Variants in ZNRF1 observed in about 807,000 individuals in gnomAD.
ZNRF1 encodes zinc and ring finger 1.
Under a neutral mutation model 18.4 loss-of-function variants are expected in ZNRF1, and 3 were observed. The observed-to-expected ratio is 0.16, with a 90% CI of 0.07 to 0.42. ZNRF1 has a LOEUF of 0.42. ZNRF1 is among the 10% of genes least tolerant of loss of function. The probability of loss-of-function intolerance (pLI) is 0.99; values close to 1 mark genes in which losing one functional copy is unlikely to be tolerated. For missense variants in ZNRF1, 310 were observed against 329.8 expected (o/e 0.94, Z 0.47); for synonymous variants, 157 against 144.2 (o/e 1.09, Z -0.64).
At chr16:75,106,276 C>T (rs2036315025) in intron 3 of ZNRF1, 2 of 578,690 alleles carry the variant, frequency 3.5e-6, no homozygotes, top group Non-Finnish European at 6.2e-6. Context: ...CTGCTGCCTC[C>T]ACCTGGGCCA....
chr16:75,088,507 G>T (rs911937561), intron 1 of ZNRF1, among the ~76,000 whole-genome samples: 2 of 152,214 alleles, frequency 1.3e-5, no homozygotes, highest in African/African-American at 2.4e-5. Flanking sequence ...CACTTAAGGA[G>T]AAATTGCTGG....
At chr16:75,054,651 A>C (rs1291167286) in intron 1 of ZNRF1, among the ~76,000 whole-genome samples, 1 of 152,234 alleles carries the variant, frequency 6.6e-6, no homozygotes, top group African/African-American at 2.4e-5. Context: ...TAATTTAGCA[A>C]TCAGGTAATA....
chr16:75,100,848 C>T (rs933596502), intron 2 of ZNRF1, among the ~76,000 whole-genome samples: 7 of 152,198 alleles, frequency 4.6e-5, no homozygotes, highest in African/African-American at 1.7e-4. Context: ...GACGACTCTG[C>T]CCTCACTAAG....
At chr16:75,096,047 T>G (rs1375618530) in intron 2 of ZNRF1, among the ~76,000 whole-genome samples, 1 of 148,752 alleles carries the variant, frequency 6.7e-6, no homozygotes, top group African/African-American at 2.5e-5. Context: ...TGCATGTGTT[T>G]CTGTATGTGT....
At chr16:75,079,201 G>T (rs2035980313) in intron 1 of ZNRF1, among the ~76,000 whole-genome samples, 1 of 152,186 alleles carries the variant, frequency 6.6e-6, no homozygotes, top group African/African-American at 2.4e-5. Flanking sequence ...GCTTTTGGGG[G>T]CCGGGCGCGG....
At chr16:75,097,247 C>G (rs974298755) in intron 2 of ZNRF1, among the ~76,000 whole-genome samples, 3 of 152,150 alleles carry the variant, frequency 2.0e-5, no homozygotes, top group Admixed American at 6.5e-5. Context: ...AGGTGGGGGT[C>G]TGATTGGTGA....
At chr16:75,089,363 C>A (rs1279358886) in intron 1 of ZNRF1, among the ~76,000 whole-genome samples, 3 of 152,188 alleles carry the variant, frequency 2.0e-5, no homozygotes, top group Non-Finnish European at 2.9e-5. Context: ...CCCACCATGG[C>A]CTCCCACAAT....
chr16:75,079,316 C>G (rs1242658753), intron 1 of ZNRF1, among the ~76,000 whole-genome samples: 1 of 152,108 alleles, frequency 6.6e-6, no homozygotes, highest in African/African-American at 2.4e-5. Context: ...CCCGTCTCTA[C>G]TAAAAATACA....
intron 1 of ZNRF1, among the ~76,000 whole-genome samples, chr16:75,078,297 T>C (rs1431692508): frequency 1.2e-4 from 11 of 91,628 alleles, no homozygotes; most frequent in Non-Finnish European, 1.6e-4. Flanking sequence ...CTTTCTTTCC[T>C]TTTTTTTTTT....
At chr16:75,060,534 A>G (rs2035729525) in intron 1 of ZNRF1, among the ~76,000 whole-genome samples, 1 of 126,714 alleles carries the variant, frequency 7.9e-6, no homozygotes, top group African/African-American at 3.1e-5. Flanking sequence ...CTTGGAGTGC[A>G]GTGGTGTGAT....
At position 75,109,001 on chromosome 16, in the gene ZNRF1, A is replaced by G. The variant is rs1027990257; in HGVS notation, c.*1301A>G. 1.3e-5 allele frequency: 2 copies of G among 156,360 alleles called. No homozygotes were observed. Among genetic ancestry groups the G allele is most frequent in the African/African-American group, 4.8e-5 (2 of 41,636 alleles). 9.7% of individuals were successfully genotyped at this position (156,360 alleles called of 1,614,324 possible). A position where few individuals can be genotyped will look rare whatever the true frequency, so the allele number is the denominator to read the frequency against. On this transcript the variant is annotated 3_prime_UTR_variant, in exon 5 of 5. Transcript: ENST00000335325. The stretch of plus-strand genomic sequence containing the variant: ...CTGCAGGGGCCAAGATGTTGCAGCC[A>G]CCGGAGGCTGCAAGGATGTGGGTTC...
chr16:75,093,728 T>G (rs572434635), intron 2 of ZNRF1, 61 bp downstream of exon 2: 1 of 1,375,848 alleles, frequency 7.3e-7, no homozygotes, highest in African/African-American at 1.4e-5. Flanking sequence ...CGGCCAGTCC[T>G]TGTGGGAGCC....
intron 1 of ZNRF1, among the ~76,000 whole-genome samples, chr16:75,042,443 C>CT (rs56212046): frequency 0.29 from 34,127 of 116,518 alleles, 4,598 homozygotes; most frequent in East Asian, 0.51. Flanking sequence ...CTGTTTCTTT[C>CT]TTTTTTTTTT....
intron 1 of ZNRF1, among the ~76,000 whole-genome samples, chr16:75,004,476 G>A (rs918408826): frequency 3.9e-5 from 6 of 152,096 alleles, no homozygotes; most frequent in African/African-American, 1.4e-4. Context: ...CTATAAAAGG[G>A]CTGGCCATTG....
chr16:75,029,132 T>C (rs1360110275), intron 1 of ZNRF1, among the ~76,000 whole-genome samples: 1 of 150,890 alleles, frequency 6.6e-6, no homozygotes, highest in African/African-American at 2.4e-5. Flanking sequence ...TTTTTTATTA[T>C]TTTATTTTAT....
intron 1 of ZNRF1, chr16:75,084,581 G>C (rs1053048361): frequency 6.6e-6 from 1 of 152,190 alleles, no homozygotes; most frequent in Non-Finnish European, 1.5e-5. Flanking sequence ...AAGGAATGCA[G>C]CTCAAGCATC....
chr16:75,070,585 C>T (rs1456707438), intron 1 of ZNRF1, among the ~76,000 whole-genome samples: 1 of 152,124 alleles, frequency 6.6e-6, no homozygotes, highest in Non-Finnish European at 1.5e-5. Context: ...GCTTATATTA[C>T]ATCATAAGCA....
chr16:75,076,917 C>T (rs1246021553), intron 1 of ZNRF1, among the ~76,000 whole-genome samples: 5 of 151,990 alleles, frequency 3.3e-5, no homozygotes, highest in Non-Finnish European at 7.4e-5. Flanking sequence ...GAGGCCCTCA[C>T]CACACATCAG....
chr16:75,031,072 A>G (rs969627321), intron 1 of ZNRF1, among the ~76,000 whole-genome samples: 2 of 150,500 alleles, frequency 1.3e-5, no homozygotes, highest in Non-Finnish European at 3.0e-5. Context: ...GCCTGACCTC[A>G]TGATCCGCCC....
Sources: allele counts gnomAD v4.1 joint callset (sites outside exome capture counted in the v4.1 genomes callset), GRCh38; gene constraint gnomAD v4.1.1; transcripts MANE v1.5; gene names NCBI Gene and HGNC (gene_info 2026-07-23, HGNC 2026-07-21).